Variants in PIK3CA observed in about 807,000 individuals in gnomAD.
PIK3CA encodes phosphatidylinositol 4,5-bisphosphate 3-kinase catalytic subunit alpha isoform.
PIK3CA carries 27 observed loss-of-function variants against 138.2 expected under a neutral mutation model. The ratio of observed to expected loss-of-function variants is 0.20; its 90% CI spans 0.14 to 0.27. The LOEUF (loss-of-function observed/expected upper bound fraction) is 0.27. Ranked by LOEUF, PIK3CA falls within the 10% of genes least tolerant of loss-of-function variation. The pLI is 1.00. For synonymous variants in PIK3CA, 358 were observed against 413.2 expected (o/e 0.87, Z 1.62); for missense variants, 544 against 1,277.4 (o/e 0.43, Z 8.75).
intron 1 of PIK3CA, among the ~76,000 whole-genome samples, chr3:179,190,252 C>T (rs1724093138): frequency 6.6e-6 from 1 of 151,966 alleles, no homozygotes; most frequent in Non-Finnish European, 1.5e-5. Flanking sequence ...TCTACCTGCT[C>T]TTCTATGCTC....
chr3:179,210,357 T>G lies in PIK3CA; in HGVS notation c.1404+19T>G, dbSNP rs200001396. The G allele has an allele frequency of 2.0e-4, 322 of 1,584,124 alleles. No homozygotes were observed. The highest frequency in any genetic ancestry group is 2.7e-4 in the Non-Finnish European group (316 of 1,171,208). ...AAATAAAGTAAGGTTTTTATTGTCA[T>G]AAATTAGATATTTTTTATGGCAGTC... On this transcript the variant is annotated intron_variant, in intron 8 of 20. Transcript: ENST00000263967.
chr3:179,150,170 CGTGTGTGTGT>C (rs35995073), intron 1 of PIK3CA, among the ~76,000 whole-genome samples: 158 of 147,150 alleles, frequency 1.1e-3, no homozygotes, highest in African/African-American at 3.6e-3. Context: ...TGTGTGTTTA[CGTGTGTGTGT>C]GTGTGTGTGT....
intron 18 of PIK3CA, 43 bp from the exon 19 acceptor site, chr3:179,229,961 C>A: frequency 7.8e-7 from 1 of 1,283,854 alleles, no homozygotes; most frequent in Non-Finnish European, 1.1e-6. Flanking sequence ...TGGCCTGAAT[C>A]ACTATATTTC....
chr3:179,233,995 T>C, intron 20 of PIK3CA, 99 bp from the exon 21 acceptor site: 1 of 770,702 alleles, frequency 1.3e-6, no homozygotes, highest in South Asian at 2.1e-5. Context: ...TATAGCTTTG[T>C]CTACGAAAGC....
In PIK3CA at chr3:179,201,373, G is replaced by C. The variant is rs910287504; in HGVS notation, c.646G>C (p.Val216Leu). The change falls in exon 4 of 21, where the codon GTA becomes CTA. Residue 216 changes from valine to leucine, a missense_variant. Transcript: ENST00000263967. ...TACTCTGAAAATCAACCATGACTGT[G>C]TACCAGAACAAGTAATTGCTGAAGC... ...KYTLKINHDC[V>L]PEQVIAEAIR... 6.2e-7 allele frequency: 1 copy of C among 1,613,524 alleles called. No individual in the cohort carries two copies. The highest frequency in any genetic ancestry group is 8.5e-7 in the Non-Finnish European group (1 of 1,179,680).
Position 179,210,451 on chromosome 3 carries a change from G to A in PIK3CA, c.1425G>A (p.Leu475=), listed in dbSNP as rs959926480. 4.3e-6 allele frequency: 7 copies of A among 1,613,538 alleles called. No homozygotes were observed. In the African/African-American group the frequency reaches 8.0e-5, roughly 18 times the overall value. The change falls in exon 9 of 21, where the codon TTG becomes TTA. Residue 475 remains leucine, a synonymous_variant. Coordinates refer to ENST00000263967, the MANE Select transcript of PIK3CA (RefSeq NM_006218.4). ...CTTAGGAAACTCCATGCTTAGAGTT[G>A]GAGTTTGACTGGTTCAGCAGTGTGG... ...NPNKETPCLE[L]EFDWFSSVVK...
rs185570268 is a variant in PIK3CA at position 179,152,324 on chromosome 3, C to G, written c.-77+3721C>G. Among the ~76,000 whole-genome samples, 680 of 152,200 alleles carry G rather than the reference C, an allele frequency of 4.5e-3. 9 individuals carry two copies. The highest frequency in any genetic ancestry group is 0.044 in the South Asian group (213 of 4,820). ...GGAAATAAGGAGACTTGAATTCTTACCCCTGTTTCACCACAAACATTTGGG... is the reference window on the plus strand; with the variant it reads ...GGAAATAAGGAGACTTGAATTCTTAGCCCTGTTTCACCACAAACATTTGGG... On this transcript the variant is annotated intron_variant, in intron 1 of 20. Coordinates refer to ENST00000263967, the MANE Select transcript of PIK3CA (RefSeq NM_006218.4).
chr3:179,186,359 T>C (rs1723982505), intron 1 of PIK3CA, among the ~76,000 whole-genome samples: 1 of 152,236 alleles, frequency 6.6e-6, no homozygotes, highest in African/African-American at 2.4e-5. Flanking sequence ...ACAACTATTT[T>C]ATAAGTCAGC....
At chr3:179,180,394 T>G (rs1050248836) in intron 1 of PIK3CA, among the ~76,000 whole-genome samples, 1 of 152,188 alleles carries the variant, frequency 6.6e-6, no homozygotes, top group Non-Finnish European at 1.5e-5. Context: ...TATACTTGTA[T>G]GAGTGTTTTT....
intron 3 of PIK3CA, among the ~76,000 whole-genome samples, chr3:179,200,541 G>A (rs1402416805): frequency 6.6e-6 from 1 of 152,070 alleles, no homozygotes; most frequent in Non-Finnish European, 1.5e-5. Context: ...AGTAGAATAA[G>A]TTAAGACATC....
chr3:179,152,965 C>G (rs1296915812), intron 1 of PIK3CA, among the ~76,000 whole-genome samples: 1 of 152,088 alleles, frequency 6.6e-6, no homozygotes, highest in African/African-American at 2.4e-5. Context: ...TGAACTTACA[C>G]TGTCTCCAAA....
intron 6 of PIK3CA, among the ~76,000 whole-genome samples, 162 bp downstream of exon 6, chr3:179,204,750 G>A (rs139074500): frequency 0.021 from 3,173 of 151,894 alleles, 48 homozygotes; most frequent in Middle Eastern, 0.051. Context: ...GGCCAGGCAC[G>A]GTGGCTCATG....
At chr3:179,223,237 T>G (rs1379053551) in intron 14 of PIK3CA, among the ~76,000 whole-genome samples, 1 of 152,188 alleles carries the variant, frequency 6.6e-6, no homozygotes, top group East Asian at 1.9e-4. Flanking sequence ...AGAAAAAAAC[T>G]TATTTAAATT....
chr3:179,181,267 C>T (rs1179415282), intron 1 of PIK3CA, among the ~76,000 whole-genome samples: 1 of 152,016 alleles, frequency 6.6e-6, no homozygotes, highest in Admixed American at 6.5e-5. Flanking sequence ...CTGGTATCAG[C>T]AATAAGTTTC....
At chr3:179,209,374 C>A (rs1433963405) in intron 6 of PIK3CA, among the ~76,000 whole-genome samples, 1 of 152,068 alleles carries the variant, frequency 6.6e-6, no homozygotes, top group Non-Finnish European at 1.5e-5. Flanking sequence ...ATAGTGATAT[C>A]TCCATGAGAT....
rs1386586410 is a variant in PIK3CA, at chr3:179,235,299, T to A, written c.*935T>A. ...ATGTTATTAAAAAGATTATTTTTTT[T>A]ATTAAAGGCTATTTATATTATAGAA... is the stretch of plus-strand genomic sequence containing the variant. On this transcript the variant is annotated 3_prime_UTR_variant, in exon 21 of 21. Coordinates refer to ENST00000263967, the MANE Select transcript of PIK3CA (RefSeq NM_006218.4). 1 of 178,568 alleles carries A rather than the reference T, an allele frequency of 5.6e-6. No individual in the cohort carries two copies. Among genetic ancestry groups the A allele is most frequent in the Non-Finnish European group, 1.2e-5 (1 of 83,310 alleles). The allele number at this position is 178,568 out of a possible 1,614,324, so 11.1% of individuals were successfully genotyped here.
intron 6 of PIK3CA, among the ~76,000 whole-genome samples, chr3:179,206,609 T>TTGAATATATA (rs1724568353): frequency 6.6e-6 from 1 of 152,136 alleles, no homozygotes; most frequent in South Asian, 2.1e-4. Context: ...TACCACAAGT[T>TTGAATATATA]AAACTAGCTT....
At chr3:179,221,777 G>A (rs1339992083) in intron 14 of PIK3CA, among the ~76,000 whole-genome samples, 3 of 135,048 alleles carry the variant, frequency 2.2e-5, no homozygotes, top group Non-Finnish European at 3.0e-5. Flanking sequence ...GTGCAATTTC[G>A]GCTCACTGCA....
chr3:179,191,648 T>A, intron 1 of PIK3CA, among the ~76,000 whole-genome samples: 1 of 152,194 alleles, frequency 6.6e-6, no homozygotes, highest in East Asian at 1.9e-4. Flanking sequence ...TTTTGTTTTG[T>A]TTTTTGAGAT....
Sources: gnomAD v4.1 joint callset for allele counts (sites outside exome capture counted in the v4.1 genomes callset) on GRCh38, gnomAD v4.1.1 for gene constraint, MANE v1.5 for transcripts, NCBI Gene and HGNC (gene_info 2026-07-23, HGNC 2026-07-21) for gene names.